The following MEAK7 variants were observed in gnomAD, a reference collection of about 807,000 sequenced individuals.
The protein encoded by MEAK7 is MTOR associated protein MEAK7.
In MEAK7, 68 loss-of-function variants were observed where a neutral mutation model predicts 40.5. That is an observed-to-expected ratio of 1.68 (90% confidence interval 1.38 to 2.06). The LOEUF is 2.06. Among genes scored for constraint, MEAK7 ranks in the 30% most tolerant of loss-of-function variants. The pLI is 0.00. For synonymous variants in MEAK7, 338 were observed against 231.9 expected, an observed-to-expected ratio of 1.46 and a Z score of -4.16; for missense variants, 918 against 580.5, an observed-to-expected ratio of 1.58 and a Z score of -5.98.
At chr16:84,503,631 T>C (rs1414001775) in intron 1 of MEAK7, among the ~76,000 whole-genome samples, 1 of 152,198 alleles carries the variant, frequency 6.6e-6, no homozygotes, top group East Asian at 1.9e-4. Context: ...GCATTTGATC[T>C]GCTTACTGGA....
intron 3 of MEAK7, among the ~76,000 whole-genome samples, chr16:84,490,444 T>C (rs75465819): frequency 0.42 from 1,285 of 3,060 alleles, 211 homozygotes; most frequent in Middle Eastern, 0.67. Flanking sequence ...CTGCCCCGCC[T>C]TTTTTTTTTT....
chr16:84,482,289 C>T (rs781336274), intron 6 of MEAK7, among the ~76,000 whole-genome samples: 52 of 152,220 alleles, frequency 3.4e-4, no homozygotes, highest in Non-Finnish European at 2.5e-4. Context: ...GCGCTGACAC[C>T]ATCCCTAGCC....
rs370090649 is a variant in MEAK7, at chr16:84,480,061, G to A, written c.1258-35C>T. The A allele has an allele frequency of 1.6e-5, 24 of 1,516,112 alleles. No individual in the cohort carries two copies. The African/African-American group carries it at 2.5e-4, about 16-fold the overall frequency. The allele number at this position is 1,516,112 out of a possible 1,614,324, so 93.9% of individuals were successfully genotyped here. ...AGAAGAAAGGGTGGGTGTGTTCCAT[G>A]ATGGCCCAACAAGAGGCAGCAGCTT... On this transcript the variant is annotated intron_variant, in intron 7 of 7. Coordinates refer to ENST00000343629, the MANE Select transcript of MEAK7 (RefSeq NM_020947.4).
intron 3 of MEAK7, among the ~76,000 whole-genome samples, chr16:84,494,192 T>C (rs1410400359): frequency 6.6e-6 from 1 of 152,226 alleles, no homozygotes; most frequent in African/African-American, 2.4e-5. Flanking sequence ...TCAAGCTAAG[T>C]ATAATTAGAC....
chr16:84,493,470 G>C (rs774505462), intron 3 of MEAK7, among the ~76,000 whole-genome samples: 41 of 152,194 alleles, frequency 2.7e-4, no homozygotes, highest in Non-Finnish European at 5.1e-4. Flanking sequence ...TAATTGCGTG[G>C]ACCGAACTAA....
rs1185918139 is a variant in MEAK7 at position 84,478,383 on chromosome 16, C to G, written c.*1530G>C. 6.6e-6 allele frequency: 1 copy of G among 152,176 alleles called. No individual in the cohort carries two copies. The highest frequency in any genetic ancestry group is 1.9e-4 in the East Asian group (1 of 5,196). 9.4% of individuals were successfully genotyped at this position (152,176 alleles called of 1,614,324 possible). A position where few individuals can be genotyped will look rare whatever the true frequency, so the allele number is the denominator to read the frequency against. On this transcript the variant is annotated 3_prime_UTR_variant, in exon 8 of 8. Coordinates refer to ENST00000343629, the MANE Select transcript of MEAK7 (RefSeq NM_020947.4). ...CATTCTGCCTGAGTCAGGGCTATTG[C>G]TAAGTGGAAGGTTTGATGAACCTCC...
At chr16:84,490,931 A>C (rs1358801859) in intron 3 of MEAK7, among the ~76,000 whole-genome samples, 1 of 152,106 alleles carries the variant, frequency 6.6e-6, no homozygotes, top group African/African-American at 2.4e-5. Flanking sequence ...TTGTTTCTTT[A>C]CAGAACCCCA....
rs747137785 is a variant in MEAK7 at position 84,497,969 on chromosome 16, C to T, written c.118G>A (p.Val40Ile). Residue 40 changes from valine to isoleucine, a missense_variant, in exon 2 of 8, where the codon GTC becomes ATC. Physicochemically the swap from Val to Ile is conservative, Grantham distance 29. Coordinates refer to ENST00000343629, the MANE Select transcript of MEAK7 (RefSeq NM_020947.4). ...ALSSDKNSPN[V>I]SSKSFSLKAL... ...TTCAGAGAGAAGGATTTGGATGAGA[C>T]ATTCGGGCTGTTTTTATCTGATGAC... 9.3e-6 allele frequency: 15 copies of T among 1,614,204 alleles called. 1 individual carries two copies. In the South Asian group the frequency reaches 1.2e-4, roughly 13 times the overall value.
At chr16:84,494,734 C>T (rs1236523130) in intron 3 of MEAK7, 1 of 427,702 alleles carries the variant, frequency 2.3e-6, no homozygotes. Context: ...TACCTAAAAA[C>T]ATATCTGACT....
At chr16:84,504,516 C>G in intron 1 of MEAK7, 85 bp downstream of exon 1, 1 of 882,692 alleles carries the variant, frequency 1.1e-6, no homozygotes. Context: ...CAGGCCTACT[C>G]TGGACCCGTC....
At chr16:84,501,289 G>C (rs763273694) in intron 1 of MEAK7, among the ~76,000 whole-genome samples, 1 of 152,066 alleles carries the variant, frequency 6.6e-6, no homozygotes, top group Non-Finnish European at 1.5e-5. Context: ...GCATAAGCAA[G>C]AGCGTTGGGA....
chr16:84,481,217 G>A (rs542337511), intron 6 of MEAK7, among the ~76,000 whole-genome samples: 22 of 152,292 alleles, frequency 1.4e-4, no homozygotes, highest in Admixed American at 3.3e-4. Context: ...AGGCGGATGC[G>A]AACCCCTGTG....
Position 84,478,628 on chromosome 16 carries a change from GTT to G in MEAK7, c.*1283_*1284del, listed in dbSNP as rs1912239758. 1 of 152,226 alleles carries G rather than the reference GTT, an allele frequency of 6.6e-6. No individual in the cohort carries two copies. 9.4% of individuals were successfully genotyped at this position (152,226 alleles called of 1,614,324 possible). On this transcript the variant is annotated 3_prime_UTR_variant, in exon 8 of 8. Coordinates refer to ENST00000343629, the MANE Select transcript of MEAK7 (RefSeq NM_020947.4). Reference sequence around the variant, plus strand: ...GCCAACCGGTGACTCACCGTGTGTTGTTTTCCAGACGTGGGCAGATGGCAGCT... The same window carrying G: ...GCCAACCGGTGACTCACCGTGTGTTGTTCCAGACGTGGGCAGATGGCAGCT...
At chr16:84,502,862 T>A (rs934745137) in intron 1 of MEAK7, 1 of 152,196 alleles carries the variant, frequency 6.6e-6, no homozygotes, top group Non-Finnish European at 1.5e-5. Context: ...AGAGCAAGAC[T>A]CTGTCTCATA....
intron 1 of MEAK7, among the ~76,000 whole-genome samples, chr16:84,503,745 T>C (rs1914678490): frequency 6.6e-6 from 1 of 152,114 alleles, no homozygotes; most frequent in Non-Finnish European, 1.5e-5. Flanking sequence ...GGAAGGTTGC[T>C]CTGCCTCCGT....
Position 84,503,784 on chromosome 16 carries a change from C to T in MEAK7, c.-26+817G>A, listed in dbSNP as rs1345993657. ...GGAGGGGTGGACAGGGACCGATTGT[C>T]TGCAGGATGGCCCCCAAGGTTCCCA... On this transcript the variant is annotated intron_variant, in intron 1 of 7. Coordinates refer to ENST00000343629, the MANE Select transcript of MEAK7 (RefSeq NM_020947.4). Among the ~76,000 whole-genome samples the T allele has an allele frequency of 2.0e-5, 3 of 152,120 alleles. No homozygotes were observed. The East Asian group carries it at 5.8e-4, about 29-fold the overall frequency.
chr16:84,482,859 C>A (rs1912700162), intron 5 of MEAK7, 149 bp from the exon 6 acceptor site: 3 of 1,251,524 alleles, frequency 2.4e-6, no homozygotes, highest in Admixed American at 2.3e-5. Context: ...GGGTTTGGGA[C>A]AAGCTGCTAG....
At chr16:84,498,660 A>T (rs1244539289) in intron 1 of MEAK7, among the ~76,000 whole-genome samples, 1 of 152,168 alleles carries the variant, frequency 6.6e-6, no homozygotes, top group East Asian at 1.9e-4. Context: ...CTACTGAAAC[A>T]CACCCATAAT....
rs1325454135 is a variant in MEAK7 at position 84,479,118 on chromosome 16, G to A, written c.*795C>T. ...GAACCTTATTACAAATACCTTCTGA[G>A]GACTCATGCCACCACCAGACCATGT... On this transcript the variant is annotated 3_prime_UTR_variant, in exon 8 of 8. Transcript: ENST00000343629. 1.3e-5 allele frequency: 2 copies of A among 152,160 alleles called. No homozygotes were observed. The highest frequency in any genetic ancestry group is 1.3e-4 in the Admixed American group (2 of 15,274). The allele number at this position is 152,160 out of a possible 1,614,324, so 9.4% of individuals were successfully genotyped here.
Sources: allele counts gnomAD v4.1 joint callset (sites outside exome capture counted in the v4.1 genomes callset), GRCh38; gene constraint gnomAD v4.1.1; transcripts MANE v1.5; gene names NCBI Gene and HGNC (gene_info 2026-07-23, HGNC 2026-07-21).